ZC3H12B: variants seen among roughly 807,000 people sequenced by gnomAD.
ZC3H12B encodes the protein zinc finger CCCH-type containing 12B.
In ZC3H12B, 7 loss-of-function variants were observed where a neutral mutation model predicts 43.9. The observed-to-expected ratio is 0.16, with a 90% CI of 0.09 to 0.30. The LOEUF (loss-of-function observed/expected upper bound fraction) is 0.30. Among genes scored for constraint, ZC3H12B ranks in the 10% least tolerant of loss-of-function variants. The pLI is 1.00. For missense variants in ZC3H12B, 475 were observed against 670.2 expected (o/e 0.71, Z 3.22); for synonymous variants, 222 against 241.7 (o/e 0.92, Z 0.76).
At chrX:65,285,994 A>G in the ZC3H12B span, among the ~76,000 whole-genome samples, 3 of 112,069 alleles carry the variant, frequency 2.7e-5, no homozygotes, top group Admixed American at 1.9e-4. Context: ...CACTATAGAA[A>G]GCAGTTTGGA....
chrX:65,369,671 A>G (rs984680884), intron 2 of ZC3H12B, among the ~76,000 whole-genome samples: 2 of 111,935 alleles, frequency 1.8e-5, no homozygotes, highest in Admixed American at 1.9e-4. Context: ...AGAAAGAAGC[A>G]TCCATTCTCA....
At chrX:65,294,502 T>C in the ZC3H12B span, among the ~76,000 whole-genome samples, 3 of 111,124 alleles carry the variant, frequency 2.7e-5, no homozygotes, top group East Asian at 8.5e-4. Context: ...GAATAGTAAC[T>C]CACTTCTCAA....
intron 2 of ZC3H12B, among the ~76,000 whole-genome samples, chrX:65,376,502 G>C (rs181984036): frequency 4.5e-4 from 50 of 111,738 alleles, no homozygotes; most frequent in African/African-American, 1.4e-3. Context: ...GTCTGACCCA[G>C]CACATATCCA....
At chrX:65,487,894 C>T (rs1195840390), upstream of ZC3H12B, among the ~76,000 whole-genome samples, 2 of 111,327 alleles carry the variant, frequency 1.8e-5, no homozygotes, top group Admixed American at 1.9e-4. Flanking sequence ...TTTTTTGAGA[C>T]GGAGTCTCAC....
At chrX:65,146,427 C>G in the ZC3H12B span, among the ~76,000 whole-genome samples, 1 of 112,074 alleles carries the variant, frequency 8.9e-6, no homozygotes, top group Non-Finnish European at 1.9e-5. Flanking sequence ...CCCTGATTCA[C>G]TTAATAACTA....
the ZC3H12B span, among the ~76,000 whole-genome samples, chrX:65,136,085 A>T: frequency 9.0e-6 from 1 of 111,651 alleles, no homozygotes; most frequent in Non-Finnish European, 1.9e-5. Context: ...TCTGGTCTTA[A>T]TATGATGAAT....
the ZC3H12B span, among the ~76,000 whole-genome samples, chrX:65,244,457 A>G: frequency 2.7e-5 from 3 of 110,305 alleles, no homozygotes; most frequent in Admixed American, 2.9e-4. Context: ...ATTCATTAAA[A>G]AAAAGTGCTA....
chrX:65,403,379 G>A (rs776610092), intron 3 of ZC3H12B, among the ~76,000 whole-genome samples: 36 of 111,426 alleles, frequency 3.2e-4, no homozygotes, highest in Non-Finnish European at 4.0e-4. Context: ...TTAAAAATGA[G>A]ATAGAGGAAG....
At position 65,497,276 on chromosome X, in the gene ZC3H12B, T is replaced by C. The variant is rs1425984466; in HGVS notation, c.748+5T>C. ...GCCCTGATGCACCAATTACAGGTAT[T>C]GTGTCAAATAAGACATTTCTTCTCA... On this transcript the variant is annotated splice_donor_5th_base_variant and intron_variant, in intron 2 of 4. Transcript: ENST00000338957. 8.3e-7 allele frequency: 1 copy of C among 1,198,526 alleles called. No homozygotes were observed. The highest frequency in any genetic ancestry group is 3.0e-5 in the East Asian group (1 of 33,500).
the ZC3H12B span, among the ~76,000 whole-genome samples, chrX:65,163,600 C>T: frequency 7.3e-3 from 814 of 111,694 alleles, 3 homozygotes; most frequent in African/African-American, 0.017. Context: ...TCTCCTGGTG[C>T]GCCGTTTTTT....
the ZC3H12B span, among the ~76,000 whole-genome samples, chrX:65,355,274 C>T: frequency 1.9e-4 from 21 of 111,609 alleles, no homozygotes; most frequent in African/African-American, 6.8e-4. Flanking sequence ...GCTGCAGAAA[C>T]CCTACAAGCC....
At chrX:65,429,315 A>G (rs1015008839) in intron 3 of ZC3H12B, among the ~76,000 whole-genome samples, 1 of 112,279 alleles carries the variant, frequency 8.9e-6, no homozygotes, top group Admixed American at 9.4e-5. Context: ...TCAGCCCCCA[A>G]TTGATATGGG....
At chrX:65,175,721 C>A in the ZC3H12B span, among the ~76,000 whole-genome samples, 1 of 111,825 alleles carries the variant, frequency 8.9e-6, no homozygotes, top group African/African-American at 3.3e-5. Flanking sequence ...GAGTGCAGCT[C>A]ACAAAGGATG....
the ZC3H12B span, among the ~76,000 whole-genome samples, chrX:65,170,729 A>G: frequency 1.8e-5 from 2 of 111,065 alleles, no homozygotes; most frequent in Admixed American, 9.6e-5. Flanking sequence ...GGCTTTGTTC[A>G]TTTCTTTTCA....
the ZC3H12B span, among the ~76,000 whole-genome samples, chrX:65,249,636 T>G: frequency 3.6e-5 from 4 of 111,533 alleles, no homozygotes; most frequent in Non-Finnish European, 5.6e-5. Context: ...ATTTGTTGAT[T>G]GCTTTTGGCA....
the ZC3H12B span, among the ~76,000 whole-genome samples, chrX:65,166,360 C>T: frequency 5.4e-5 from 6 of 111,666 alleles, no homozygotes; most frequent in Non-Finnish European, 3.8e-5. Flanking sequence ...CATGTCCCTA[C>T]AAAGGACATG....
chrX:65,268,662 CAATT>C, the ZC3H12B span, among the ~76,000 whole-genome samples: 1 of 112,481 alleles, frequency 8.9e-6, no homozygotes, highest in Non-Finnish European at 1.9e-5. Flanking sequence ...ATTATCATCT[CAATT>C]GATACAGAAA....
At chrX:65,311,385 T>C in the ZC3H12B span, among the ~76,000 whole-genome samples, 3 of 111,806 alleles carry the variant, frequency 2.7e-5, no homozygotes, top group African/African-American at 9.8e-5. Flanking sequence ...AACAGACACA[T>C]GAAAAAAATG....
At chrX:65,209,730 A>G in the ZC3H12B span, among the ~76,000 whole-genome samples, 6 of 108,392 alleles carry the variant, frequency 5.5e-5, no homozygotes, top group East Asian at 1.5e-3. Flanking sequence ...ATATAGATCA[A>G]TGGAACAGAA....
Sources: gnomAD v4.1 joint callset for allele counts (sites outside exome capture counted in the v4.1 genomes callset) on GRCh38, gnomAD v4.1.1 for gene constraint, MANE v1.5 for transcripts, NCBI Gene and HGNC (gene_info 2026-07-23, HGNC 2026-07-21) for gene names.